PARD3B: variants seen among roughly 807,000 people sequenced by gnomAD.
PARD3B encodes partitioning defective 3 homolog B.
A neutral mutation model predicts 130.2 loss-of-function variants in PARD3B; 103 were observed. The observed-to-expected ratio is 0.79, with a 90% CI of 0.67 to 0.93. The LOEUF (loss-of-function observed/expected upper bound fraction) is 0.93. Among genes scored for constraint, PARD3B ranks in the 40% least tolerant of loss-of-function variants. The pLI, the probability that PARD3B is intolerant of heterozygous loss-of-function variation, is 0.00. For synonymous variants in PARD3B, 583 were observed against 553.2 expected (o/e 1.05, Z -0.76); for missense variants, 1,609 against 1,499.2 (o/e 1.07, Z -1.21).
chr2:205,557,788 A>C (rs973090965), intron 22 of PARD3B, among the ~76,000 whole-genome samples: 1 of 152,066 alleles, frequency 6.6e-6, no homozygotes, highest in Non-Finnish European at 1.5e-5. Context: ...CCTTCCTGTA[A>C]TGAGGCAAAC....
At chr2:205,542,483 TCTC>T (rs1482662045) in intron 21 of PARD3B, among the ~76,000 whole-genome samples, 3 of 152,028 alleles carry the variant, frequency 2.0e-5, no homozygotes, top group African/African-American at 7.3e-5. Flanking sequence ...GTTCTTCCTT[TCTC>T]CTCAACTTCA....
intron 5 of PARD3B, among the ~76,000 whole-genome samples, chr2:205,106,508 TG>T (rs1703229063): frequency 6.6e-6 from 1 of 151,530 alleles, no homozygotes. Flanking sequence ...TGTGTGTGTG[TG>T]TGTGTGTGTG....
intron 2 of PARD3B, among the ~76,000 whole-genome samples, chr2:204,753,413 G>T (rs2040541219): frequency 6.6e-6 from 1 of 152,066 alleles, no homozygotes; most frequent in Admixed American, 6.6e-5. Flanking sequence ...TGATCTTATA[G>T]CTAAAAATAC....
At chr2:205,053,637 ATC>A (rs1263936774) in intron 4 of PARD3B, among the ~76,000 whole-genome samples, 3 of 151,002 alleles carry the variant, frequency 2.0e-5, no homozygotes, top group African/African-American at 7.3e-5. Context: ...TGAAAACTCC[ATC>A]TCAAAAAAAA....
chr2:204,786,817 G>GC (rs2042025210), intron 2 of PARD3B, among the ~76,000 whole-genome samples: 1 of 151,522 alleles, frequency 6.6e-6, no homozygotes, highest in Non-Finnish European at 1.5e-5. Flanking sequence ...TGATACAGAT[G>GC]CCCTGGGGAT....
rs111343745 is a variant in PARD3B, at chr2:205,200,562, A to G, written c.2140+7242A>G. The stretch of plus-strand genomic sequence containing the variant: ...TTTCTCCAGAATTGAAGAAGATAGA[A>G]TTTAATAAAGAATGATGCATTCATT... On this transcript the variant is annotated intron_variant, in intron 15 of 22. Transcript: ENST00000406610. Among the ~76,000 whole-genome samples the G allele has an allele frequency of 7.7e-3, 1,179 of 152,320 alleles. 16 individuals carry two copies. Among genetic ancestry groups the G allele is most frequent in the Middle Eastern group, 0.014 (4 of 294 alleles).
In PARD3B at chr2:205,473,292, A is replaced by G. The variant is rs1301344685; in HGVS notation, c.3045-26604A>G. On this transcript the variant is annotated intron_variant, in intron 20 of 22. Transcript: ENST00000406610. The surrounding 1 kb of genome is among the most constrained non-coding windows in gnomAD (Gnocchi z 4.9). The stretch of plus-strand genomic sequence containing the variant: ...TACGCATTGCAGCATTCTGCCTTTC[A>G]TATCATAGGTTAATTTTTCATGGAT... 6.6e-6 allele frequency among the ~76,000 whole-genome samples: 1 copy of G among 152,140 alleles called. No individual in the cohort carries two copies. Among genetic ancestry groups the G allele is most frequent in the East Asian group, 1.9e-4 (1 of 5,184 alleles).
chr2:205,230,496 G>A lies in PARD3B; in HGVS notation c.2141-15282G>A, dbSNP rs567050203. On this transcript the variant is annotated intron_variant, in intron 15 of 22. Transcript: ENST00000406610. This position sits in a 1 kb window ranked among gnomAD's most constrained non-coding sequence, Gnocchi z 4.1. ...GTGCCCCCTACTGTGGTAGAGCTAG[G>A]ATTCAAGTTGCAAGATGAAGTCCTC... 6.6e-6 allele frequency among the ~76,000 whole-genome samples: 1 copy of A among 152,232 alleles called. No homozygotes were observed. Among genetic ancestry groups the A allele is most frequent in the East Asian group, 1.9e-4 (1 of 5,156 alleles).
chr2:205,597,037 CT>C (rs148534363), intron 22 of PARD3B, among the ~76,000 whole-genome samples: 60 of 147,376 alleles, frequency 4.1e-4, no homozygotes, highest in East Asian at 3.0e-3. Context: ...GTGCTCATTT[CT>C]TTTTTTTTTT....
At chr2:204,622,028 G>A (rs1324999573) in intron 1 of PARD3B, among the ~76,000 whole-genome samples, 2 of 152,192 alleles carry the variant, frequency 1.3e-5, no homozygotes, top group Non-Finnish European at 2.9e-5. Context: ...GGGGCAGAGG[G>A]TAAAGAGTAC....
rs190100097 is a variant in PARD3B at position 204,860,252 on chromosome 2, G to A, written c.223-104900G>A. ...CAAAGGAAATTGTTTCATTCAAATT[G>A]TTGAGCTTTTTGCCATCTTTAGAAC... On this transcript the variant is annotated intron_variant, in intron 2 of 22. Transcript: ENST00000406610. 3.3e-5 allele frequency among the ~76,000 whole-genome samples: 5 copies of A among 152,212 alleles called. No individual in the cohort carries two copies. The East Asian group carries it at 9.7e-4, about 29-fold the overall frequency.
At chr2:204,720,877 T>G (rs1007018674) in intron 2 of PARD3B, among the ~76,000 whole-genome samples, 2 of 152,140 alleles carry the variant, frequency 1.3e-5, no homozygotes, top group African/African-American at 2.4e-5. Context: ...CGCTCAGATG[T>G]TCTTTTCATC....
chr2:205,045,226 A>T (rs78579824), intron 3 of PARD3B, among the ~76,000 whole-genome samples: 1 of 150,286 alleles, frequency 6.7e-6, no homozygotes, highest in African/African-American at 2.4e-5. Context: ...ACAAACCTGA[A>T]TACTTATCAT....
chr2:205,214,270 G>A (rs576567859), intron 15 of PARD3B, among the ~76,000 whole-genome samples: 33 of 151,992 alleles, frequency 2.2e-4, no homozygotes, highest in South Asian at 8.3e-4. Context: ...CAAAAATAAC[G>A]TAGTCTGTAC....
chr2:204,833,976 C>T (rs527580373), intron 2 of PARD3B, among the ~76,000 whole-genome samples: 2 of 152,268 alleles, frequency 1.3e-5, no homozygotes, highest in South Asian at 2.1e-4. Flanking sequence ...AGCCTGTCTT[C>T]GTTTCTTCCA....
At chr2:205,154,905 C>T (rs1276085107) in intron 10 of PARD3B, among the ~76,000 whole-genome samples, 2 of 151,890 alleles carry the variant, frequency 1.3e-5, no homozygotes, top group African/African-American at 2.4e-5. Flanking sequence ...GGGGTGGGGG[C>T]CTGGGGGAGG....
chr2:205,028,398 A>G (rs574978398), intron 3 of PARD3B, among the ~76,000 whole-genome samples: 315 of 152,192 alleles, frequency 2.1e-3, no homozygotes, highest in Non-Finnish European at 3.5e-3. Flanking sequence ...CAAATTCAAC[A>G]TTCTTTCATG....
At chr2:204,937,186 T>C (rs1688526621) in intron 2 of PARD3B, among the ~76,000 whole-genome samples, 1 of 152,242 alleles carries the variant, frequency 6.6e-6, no homozygotes, top group Admixed American at 6.5e-5. Context: ...CTTGCTTGCC[T>C]AAGTCCTCAT....
At chr2:204,595,742 C>T (rs1427600469) in intron 1 of PARD3B, among the ~76,000 whole-genome samples, 2 of 152,118 alleles carry the variant, frequency 1.3e-5, no homozygotes, top group African/African-American at 2.4e-5. Context: ...ATAAAATGAG[C>T]ATGTACTTTA....
Sources: gnomAD v4.1 joint callset for allele counts (sites outside exome capture counted in the v4.1 genomes callset) on GRCh38, gnomAD v4.1.1 for gene constraint, Gnocchi (gnomAD v3.1) non-coding constraint, MANE v1.5 for transcripts, NCBI Gene and HGNC (gene_info 2026-07-23, HGNC 2026-07-21) for gene names.